CLEC2L: variants seen among roughly 807,000 people sequenced by gnomAD.
CLEC2L encodes C-type lectin domain family 2, member L.
CLEC2L carries 14 observed loss-of-function variants against 23.6 expected under a neutral mutation model. The observed-to-expected ratio is 0.59, with a 90% CI of 0.39 to 0.93. The LOEUF is 0.93. CLEC2L is among the 40% of genes least tolerant of loss of function. The probability of loss-of-function intolerance (pLI) is 0.00; values close to 1 mark genes in which losing one functional copy is unlikely to be tolerated. For synonymous variants in CLEC2L, 114 were observed against 121.3 expected (o/e 0.94, Z 0.40); for missense variants, 264 against 282.4 (o/e 0.93, Z 0.47).
rs777257305 is a variant in CLEC2L, at chr7:139,540,340, G to T, written c.285G>T (p.Lys95Asn). The change falls in exon 3 of 5, where the codon AAG (lysine) becomes AAT (asparagine). Residue 95 changes from lysine (K) to asparagine (N), a missense_variant. Coordinates refer to ENST00000422142, the MANE Select transcript of CLEC2L (RefSeq NM_001080511.4). This position sits in a 1 kb window ranked among gnomAD's most constrained non-coding sequence, Gnocchi z 5.8. ...MSILASKGCI[K>N]CEAPCPEDWL... The stretch of plus-strand genomic sequence containing the variant: ...CTGCAGCTTCCAAGGGCTGCATCAA[G>T]TGCGAAGCGCCCTGCCCGGAGGACT... 6.2e-7 allele frequency: 1 copy of T among 1,610,860 alleles called. No homozygotes were observed. Among genetic ancestry groups the T allele is most frequent in the East Asian group, 2.2e-5 (1 of 44,818 alleles).
At position 139,524,000 on chromosome 7, in the gene CLEC2L, C is replaced by A; in HGVS notation, c.73C>A (p.Pro25Thr). 1 of 1,068,282 alleles carries A rather than the reference C, an allele frequency of 9.4e-7. No individual in the cohort carries two copies. Among genetic ancestry groups the A allele is most frequent in the South Asian group, 4.4e-5 (1 of 22,774 alleles). The allele number at this position is 1,068,282 out of a possible 1,614,324, so 66.2% of individuals were successfully genotyped here. The change falls in exon 1 of 5, where the codon CCC (proline) becomes ACC (threonine). Residue 25 changes from proline (P) to threonine (T), a missense_variant. Transcript: ENST00000422142. This position sits in a 1 kb window ranked among gnomAD's most constrained non-coding sequence, Gnocchi z 4.1. The stretch of plus-strand genomic sequence containing the variant: ...CCTCGCCGCGCGCCCCGCGCCCGCC[C>A]CCGCCGCCCCCAGGCCGCGTTCGCC... ...PPLAARPAPA[P>T]AAPRPRSPAE...
intron 1 of CLEC2L, among the ~76,000 whole-genome samples, chr7:139,532,787 C>T (rs191611699): frequency 4.3e-4 from 65 of 152,242 alleles, no homozygotes; most frequent in African/African-American, 1.5e-3. Flanking sequence ...GAAGTGGGCC[C>T]CTACCAGAAC....
intron 1 of CLEC2L, among the ~76,000 whole-genome samples, chr7:139,527,682 G>C (rs1271677125): frequency 6.6e-6 from 1 of 152,152 alleles, no homozygotes; most frequent in African/African-American, 2.4e-5. Context: ...GTGGGGCAGA[G>C]TGGCCTGGGG....
At chr7:139,534,426 G>A in intron 1 of CLEC2L, 1 of 876,538 alleles carries the variant, frequency 1.1e-6, no homozygotes, top group Non-Finnish European at 2.0e-6. Context: ...TTTCATCAAT[G>A]ATCTGGCAGA....
intron 1 of CLEC2L, among the ~76,000 whole-genome samples, chr7:139,527,607 C>T (rs1166598612): frequency 1.3e-5 from 2 of 152,056 alleles, no homozygotes; most frequent in African/African-American, 2.4e-5. Context: ...CCGGAGAGCC[C>T]GCCTGGGTTC....
chr7:139,544,372 C>T lies in CLEC2L; in HGVS notation c.*30C>T. 1 of 1,494,084 alleles carries T rather than the reference C, an allele frequency of 6.7e-7. No individual in the cohort carries two copies. The highest frequency in any genetic ancestry group is 1.2e-5 in the South Asian group (1 of 85,768). 92.6% of individuals were successfully genotyped at this position (1,494,084 alleles called of 1,614,324 possible). A position where few individuals can be genotyped will look rare whatever the true frequency, so the allele number is the denominator to read the frequency against. Reference sequence around the variant, plus strand: ...GGTGGGGCCAGAGGTGGCCCCGCCCCTAGGCCTGTGGGAGGTGTCTGGTGT... The same window carrying T: ...GGTGGGGCCAGAGGTGGCCCCGCCCTTAGGCCTGTGGGAGGTGTCTGGTGT... On this transcript the variant is annotated 3_prime_UTR_variant, in exon 5 of 5. Coordinates refer to ENST00000422142, the MANE Select transcript of CLEC2L (RefSeq NM_001080511.4).
intron 3 of CLEC2L, among the ~76,000 whole-genome samples, chr7:139,541,363 G>A (rs1178991244): frequency 6.6e-6 from 1 of 151,970 alleles, no homozygotes; most frequent in African/African-American, 2.4e-5. Context: ...TAAATGCATT[G>A]TGAAATGTGA....
intron 2 of CLEC2L, among the ~76,000 whole-genome samples, chr7:139,538,048 A>G (rs556888799): frequency 6.6e-6 from 1 of 152,354 alleles, no homozygotes; most frequent in African/African-American, 2.4e-5. Flanking sequence ...AATCCACAAA[A>G]TGGCGGAAAA....
In CLEC2L at chr7:139,536,326, C is replaced by T. The variant is rs1029686772; in HGVS notation, c.243C>T (p.Ile81=). Residue 81 remains isoleucine (I), a synonymous_variant, in exon 2 of 5, where the codon ATC becomes ATT. Transcript: ENST00000422142. The part of the protein sequence containing the change: ...LGAIAVLLFA[I]LVVMSILASK... ...CCATCGCGGTCCTTCTGTTCGCCAT[C>T]TTGGTGGTGATGAGCATCTTGGGTG... 50 of 1,551,404 alleles carry T rather than the reference C, an allele frequency of 3.2e-5. No individual in the cohort carries two copies. The highest frequency in any genetic ancestry group is 3.9e-5 in the Non-Finnish European group (45 of 1,146,874).
At chr7:139,541,977 G>T in intron 3 of CLEC2L, 44 bp from the exon 4 acceptor site, 1 of 1,335,096 alleles carries the variant, frequency 7.5e-7, no homozygotes, top group South Asian at 1.2e-5. Context: ...CAGCAGTCAG[G>T]AGACCGCATC....
At chr7:139,535,324 A>G (rs1233592519) in intron 1 of CLEC2L, among the ~76,000 whole-genome samples, 1 of 152,230 alleles carries the variant, frequency 6.6e-6, no homozygotes, top group Non-Finnish European at 1.5e-5. Context: ...GAGTGGTCCA[A>G]TTCATAGAGA....
At chr7:139,541,910 C>T (rs766640949) in intron 3 of CLEC2L, 111 bp from the exon 4 acceptor site, 11 of 728,570 alleles carry the variant, frequency 1.5e-5, no homozygotes, top group Non-Finnish European at 1.7e-5. Flanking sequence ...ACTCTCCTGG[C>T]GTCTGTACAT....
At chr7:139,525,531 T>A (rs925438381) in intron 1 of CLEC2L, among the ~76,000 whole-genome samples, 1 of 152,062 alleles carries the variant, frequency 6.6e-6, no homozygotes, top group South Asian at 2.1e-4. Context: ...GTGGAATGGA[T>A]GGAGGTGGTC....
At chr7:139,524,578 GAGGGC>G (rs138557333) in intron 1 of CLEC2L, among the ~76,000 whole-genome samples, 11,080 of 152,120 alleles carry the variant, frequency 0.073, 685 homozygotes, top group African/African-American at 0.17. Context: ...GGCATGTGGG[GAGGGC>G]AGGGCAGGGC....
chr7:139,529,262 A>C (rs1335038815), intron 1 of CLEC2L, among the ~76,000 whole-genome samples: 1 of 152,132 alleles, frequency 6.6e-6, no homozygotes, highest in Non-Finnish European at 1.5e-5. Flanking sequence ...AATTCCTATA[A>C]CTCTCTAAGA....
At position 139,544,350 on chromosome 7, in the gene CLEC2L, G is replaced by T; in HGVS notation, c.*8G>T. Reference sequence around the variant, plus strand: ...AAGATGGCCTATACTTGAGGTGGGTGGGGCCAGAGGTGGCCCCGCCCCTAG... The same window carrying T: ...AAGATGGCCTATACTTGAGGTGGGTTGGGCCAGAGGTGGCCCCGCCCCTAG... On this transcript the variant is annotated 3_prime_UTR_variant, in exon 5 of 5. Coordinates refer to ENST00000422142, the MANE Select transcript of CLEC2L (RefSeq NM_001080511.4). 1 of 1,591,532 alleles carries T rather than the reference G, an allele frequency of 6.3e-7. No individual in the cohort carries two copies. Among genetic ancestry groups the T allele is most frequent in the East Asian group, 2.3e-5 (1 of 44,442 alleles).
At position 139,536,417 on chromosome 7, in the gene CLEC2L, GTTAAAGAAAGATTCTAGACA is replaced by G. The variant is rs1797658206; in HGVS notation, c.265+72_265+91del. 5 of 1,331,346 alleles carry G rather than the reference GTTAAAGAAAGATTCTAGACA, an allele frequency of 3.8e-6. No individual in the cohort carries two copies. The South Asian group carries it at 5.1e-5, about 14-fold the overall frequency. The allele number at this position is 1,331,346 out of a possible 1,614,324, so 82.5% of individuals were successfully genotyped here. A position where few individuals can be genotyped will look rare whatever the true frequency, so the allele number is the denominator to read the frequency against. ...TCCTTGTTAAAAGCACGTCTAATTA[GTTAAAGAAAGATTCTAGACA>G]TTCCAAGAATCCTGTGGGGGACTAA... is the stretch of plus-strand genomic sequence containing the variant. On this transcript the variant is annotated intron_variant, in intron 2 of 4. Coordinates refer to ENST00000422142, the MANE Select transcript of CLEC2L (RefSeq NM_001080511.4).
At chr7:139,536,976 C>CAAAAAAAA (rs1159255018) in intron 2 of CLEC2L, among the ~76,000 whole-genome samples, 1 of 37,296 alleles carries the variant, frequency 2.7e-5, no homozygotes. Context: ...GACTCCATCT[C>CAAAAAAAA]AAAAAAAAAA....
At chr7:139,542,290 C>T (rs1797747118) in intron 4 of CLEC2L, among the ~76,000 whole-genome samples, 169 bp downstream of exon 4, 1 of 152,196 alleles carries the variant, frequency 6.6e-6, no homozygotes, top group African/African-American at 2.4e-5. Context: ...AATGTCTGTA[C>T]TTCTCCCTCT....
Sources: allele counts gnomAD v4.1 joint callset (sites outside exome capture counted in the v4.1 genomes callset), GRCh38; gene constraint gnomAD v4.1.1; non-coding constraint Gnocchi (gnomAD v3.1); transcripts MANE v1.5; gene names NCBI Gene and HGNC (gene_info 2026-07-23, HGNC 2026-07-21).